Variants in RASA4 observed in about 807,000 individuals in gnomAD.
The protein encoded by RASA4 is RAS p21 protein activator 4.
Under a neutral mutation model 24.0 loss-of-function variants are expected in RASA4, and 5 were observed. The observed-to-expected ratio is 0.21, with a 90% CI of 0.11 to 0.44. RASA4 has a LOEUF of 0.44. Among genes scored for constraint, RASA4 ranks in the 20% least tolerant of loss-of-function variants. The probability of loss-of-function intolerance (pLI) is 0.99; values close to 1 mark genes in which losing one functional copy is unlikely to be tolerated. For missense variants in RASA4, 38 were observed against 293.0 expected, an observed-to-expected ratio of 0.13 and a Z score of 6.35; for synonymous variants, 9 against 132.7, an observed-to-expected ratio of 0.07 and a Z score of 6.41.
intron 16 of RASA4, among the ~76,000 whole-genome samples, chr7:102,591,201 G>A (rs1173219815): frequency 1.1e-5 from 1 of 88,032 alleles, no homozygotes; most frequent in Non-Finnish European, 2.2e-5. Flanking sequence ...GAGGTAGGAA[G>A]ATTGCTTGAG....
At chr7:102,610,991 TACAAAATTCACA>T (rs1443202620) in intron 2 of RASA4, 83 bp downstream of exon 2, 30 of 80,502 alleles carry the variant, frequency 3.7e-4, no homozygotes, top group Non-Finnish European at 5.9e-4. Flanking sequence ...CCCATCTCCG[TACAAAATTCACA>T]ACAAAATTCA....
At chr7:102,613,791 A>G (rs561023061) in intron 1 of RASA4, among the ~76,000 whole-genome samples, 1 of 152,034 alleles carries the variant, frequency 6.6e-6, no homozygotes, top group African/African-American at 2.4e-5. Context: ...CCAGTCCCCA[A>G]GGCCACTTGG....
chr7:102,580,841 TCAAA>T lies in RASA4; in HGVS notation c.*1926_*1929del, dbSNP rs1789659368. The T allele has an allele frequency of 3.0e-5, 1 of 33,794 alleles. No individual in the cohort carries two copies. The highest frequency in any genetic ancestry group is 1.8e-3 in the East Asian group (1 of 554). 2.1% of individuals were successfully genotyped at this position (33,794 alleles called of 1,614,324 possible). On this transcript the variant is annotated 3_prime_UTR_variant, in exon 21 of 21. Coordinates refer to ENST00000262940, the MANE Select transcript of RASA4 (RefSeq NM_006989.6). ...CTGGGCAACACAGTGAGACTCTGTC[TCAAA>T]AAAAAAAAAAAAAAAAAAACTATAA... is the stretch of plus-strand genomic sequence containing the variant.
chr7:102,608,276 T>TAAA (rs1554347305), intron 4 of RASA4, among the ~76,000 whole-genome samples: 4,082 of 62,702 alleles, frequency 0.065, 18 homozygotes, highest in East Asian at 0.19. Context: ...GCCTTTTTTT[T>TAAA]AAAAAAAAAC....
chr7:102,590,578 C>T (rs1789929312), intron 16 of RASA4, among the ~76,000 whole-genome samples: 1 of 103,128 alleles, frequency 9.7e-6, no homozygotes, highest in Non-Finnish European at 1.9e-5. Context: ...GTCAATCCGG[C>T]CGTGGCCAAG....
intron 5 of RASA4, among the ~76,000 whole-genome samples, chr7:102,603,838 CA>C (rs148681177): frequency 0.076 from 3,788 of 50,020 alleles, 12 homozygotes; most frequent in East Asian, 0.19. Context: ...CAGACTGCCT[CA>C]AAAAAAAAAA....
At chr7:102,594,863 T>A (rs1224316311) in intron 11 of RASA4, among the ~76,000 whole-genome samples, 1 of 44,844 alleles carries the variant, frequency 2.2e-5, no homozygotes, top group Non-Finnish European at 7.1e-5. Flanking sequence ...TAAATTTTAA[T>A]CACACACACA....
chr7:102,614,068 C>T (rs1790966243), intron 1 of RASA4, among the ~76,000 whole-genome samples: 2 of 148,628 alleles, frequency 1.3e-5, no homozygotes, highest in Non-Finnish European at 3.0e-5. Context: ...GTGGTAAGCT[C>T]CCCGTCCTCA....
intron 8 of RASA4, among the ~76,000 whole-genome samples, chr7:102,599,419 C>T (rs1257897097): frequency 1.3e-5 from 1 of 76,796 alleles, no homozygotes; most frequent in East Asian, 4.7e-4. Context: ...GGGTGGATCA[C>T]AAGGTCAGGA....
At position 102,580,102 on chromosome 7, in the gene RASA4, A is replaced by C. The variant is rs1166342596; in HGVS notation, c.*2669T>G. Reference sequence around the variant, plus strand: ...CCAGCCAAGTGCAGTATCTTATCACACCTTTAAAAATTAATAATTCCAATC... The same window carrying C: ...CCAGCCAAGTGCAGTATCTTATCACCCCTTTAAAAATTAATAATTCCAATC... On this transcript the variant is annotated 3_prime_UTR_variant, in exon 21 of 21. Coordinates refer to ENST00000262940, the MANE Select transcript of RASA4 (RefSeq NM_006989.6). 1 of 328,148 alleles carries C rather than the reference A, an allele frequency of 3.0e-6. No homozygotes were observed. Among genetic ancestry groups the C allele is most frequent in the African/African-American group, 2.2e-5 (1 of 46,060 alleles). The allele number at this position is 328,148 out of a possible 1,614,324, so 20.3% of individuals were successfully genotyped here.
In RASA4 at chr7:102,580,856, A is replaced by AC. The variant is rs1789661324; in HGVS notation, c.*1914_*1915insG. ...AGACTCTGTCTCAAAAAAAAAAAAA[A>AC]AAAAAAAACTATAAAGTTCCCCTTC... On this transcript the variant is annotated 3_prime_UTR_variant, in exon 21 of 21. Coordinates refer to ENST00000262940, the MANE Select transcript of RASA4 (RefSeq NM_006989.6). 7.3e-6 allele frequency: 1 copy of AC among 137,000 alleles called. No individual in the cohort carries two copies. The highest frequency in any genetic ancestry group is 1.6e-5 in the Non-Finnish European group (1 of 62,946). The allele number at this position is 137,000 out of a possible 1,614,324, so 8.5% of individuals were successfully genotyped here. A position where few individuals can be genotyped will look rare whatever the true frequency, so the allele number is the denominator to read the frequency against.
chr7:102,603,000 G>A (rs1241074378), intron 5 of RASA4, among the ~76,000 whole-genome samples: 25 of 149,836 alleles, frequency 1.7e-4, no homozygotes, highest in East Asian at 4.0e-4. Flanking sequence ...TCGCTCTGTC[G>A]CCCAGGCTGG....
chr7:102,606,423 A>AAAAAAAAAAG, intron 4 of RASA4, among the ~76,000 whole-genome samples: 1 of 110,048 alleles, frequency 9.1e-6, no homozygotes, highest in Non-Finnish European at 2.0e-5. Context: ...AAAAAAAAAA[A>AAAAAAAAAAG]GATGGAGTCT....
chr7:102,602,867 C>A (rs2133467519), intron 5 of RASA4, among the ~76,000 whole-genome samples: 2 of 142,488 alleles, frequency 1.4e-5, no homozygotes, highest in Non-Finnish European at 3.1e-5. Flanking sequence ...TGTCGCTCTA[C>A]TTGGTGGAGG....
intron 16 of RASA4, among the ~76,000 whole-genome samples, chr7:102,590,754 A>G (rs1789942610): frequency 6.9e-6 from 1 of 145,592 alleles, no homozygotes; most frequent in Non-Finnish European, 1.5e-5. Flanking sequence ...CAGCCTGACA[A>G]ACATGGAGAA....
intron 1 of RASA4, among the ~76,000 whole-genome samples, chr7:102,614,372 AGTT>A (rs1790983910): frequency 9.2e-6 from 1 of 108,204 alleles, no homozygotes; most frequent in Admixed American, 9.7e-5. Flanking sequence ...CCTGAGCCTC[AGTT>A]TCCCAATGTG....
At chr7:102,590,966 GAATTA>G (rs1789967419) in intron 16 of RASA4, among the ~76,000 whole-genome samples, 1 of 147,672 alleles carries the variant, frequency 6.8e-6, no homozygotes, top group East Asian at 2.0e-4. Flanking sequence ...AATGGGACCA[GAATTA>G]AATAATGCCC....
chr7:102,603,123 G>A (rs1160918165), intron 5 of RASA4, among the ~76,000 whole-genome samples: 41 of 127,620 alleles, frequency 3.2e-4, no homozygotes, highest in African/African-American at 1.0e-3. Context: ...ACCACGCCCA[G>A]CTAATTTTCG....
intron 16 of RASA4, among the ~76,000 whole-genome samples, chr7:102,590,590 C>T (rs1322857584): frequency 1.9e-5 from 2 of 107,926 alleles, no homozygotes; most frequent in South Asian, 5.7e-4. Flanking sequence ...GTGGCCAAGG[C>T]TTTGTGACTT....
Sources: allele counts gnomAD v4.1 joint callset (sites outside exome capture counted in the v4.1 genomes callset), GRCh38; gene constraint gnomAD v4.1.1; transcripts MANE v1.5; gene names NCBI Gene and HGNC (gene_info 2026-07-23, HGNC 2026-07-21).